CLASP1: variants seen among roughly 807,000 people sequenced by gnomAD.
CLASP1 encodes CLIP-associating protein 1.
Under a neutral mutation model 192.3 loss-of-function variants are expected in CLASP1, and 38 were observed. The observed-to-expected ratio is 0.20, with a 90% confidence interval of 0.15 to 0.26. CLASP1 has a LOEUF of 0.26. Among genes scored for constraint, CLASP1 ranks in the 10% least tolerant of loss-of-function variants. The pLI, the probability that CLASP1 is intolerant of heterozygous loss-of-function variation, is 1.00. For missense variants in CLASP1, 1,433 were observed against 1,932.5 expected (o/e 0.74, Z 4.85); for synonymous variants, 691 against 712.8 (o/e 0.97, Z 0.49).
rs377125037 is a variant in CLASP1, at chr2:121,560,170, TA to T, written c.196-29846del. Among the ~76,000 whole-genome samples the T allele has an allele frequency of 4.9e-3, 749 of 152,260 alleles. 9 individuals are homozygous for T. The highest frequency in any genetic ancestry group is 0.017 in the African/African-American group (726 of 41,544). On this transcript the variant is annotated intron_variant, in intron 2 of 39. Transcript: ENST00000263710. ...AAAATTTAATGATAATGAAAAAACTTAACATACTATACTTGAATACTACAGA... is the reference window on the plus strand; with the variant it reads ...AAAATTTAATGATAATGAAAAAACTTACATACTATACTTGAATACTACAGA...
intron 2 of CLASP1, among the ~76,000 whole-genome samples, chr2:121,581,315 C>T (rs989515984): frequency 1.5e-5 from 2 of 129,078 alleles, no homozygotes; most frequent in Non-Finnish European, 3.1e-5. Flanking sequence ...TCGCCCAGGC[C>T]GGACTGCGGA....
chr2:121,419,320 T>C (rs2149561392), intron 22 of CLASP1, among the ~76,000 whole-genome samples: 1 of 152,304 alleles, frequency 6.6e-6, no homozygotes, highest in Non-Finnish European at 1.5e-5. Context: ...AGTAAGTGTG[T>C]AGATGCTTCA....
chr2:121,550,005 C>CA (rs59439843), intron 2 of CLASP1, among the ~76,000 whole-genome samples: 1,923 of 53,930 alleles, frequency 0.036, 38 homozygotes, highest in Middle Eastern at 0.057. Context: ...GACTCCGTCT[C>CA]AAAAAAAAAA....
chr2:121,388,025 A>G (rs2073639755), intron 30 of CLASP1, 119 bp from the exon 32 acceptor site: 1 of 713,116 alleles, frequency 1.4e-6, no homozygotes, highest in Non-Finnish European at 2.2e-6. Flanking sequence ...CATTCTAGGC[A>G]TCAAAAACAA....
intron 11 of CLASP1, among the ~76,000 whole-genome samples, 186 bp from the exon 12 acceptor site, chr2:121,460,311 A>C (rs1035132959): frequency 2.6e-5 from 4 of 152,216 alleles, no homozygotes; most frequent in African/African-American, 7.2e-5. Context: ...ATCACAAATA[A>C]GACTAAATAA....
At chr2:121,632,751 C>A (rs1489832273) in intron 1 of CLASP1, among the ~76,000 whole-genome samples, 1 of 151,910 alleles carries the variant, frequency 6.6e-6, no homozygotes, top group Non-Finnish European at 1.5e-5. Context: ...ACAAAATTAG[C>A]CAGGCATGGT....
rs79837637 is a variant in CLASP1, at chr2:121,580,302, T to A, written c.195+25399A>T. Among the ~76,000 whole-genome samples the A allele has an allele frequency of 1.3e-3, 197 of 152,316 alleles. 3 individuals carry two copies. The East Asian group carries it at 0.03, about 23-fold the overall frequency. On this transcript the variant is annotated intron_variant, in intron 2 of 39. Coordinates refer to ENST00000263710, the Ensembl canonical transcript of CLASP1. ...TTCATGTAGCAGACAACATAAATAA[T>A]GTATCATCTTTAATCATATCCTGAC... is the stretch of plus-strand genomic sequence containing the variant.
At chr2:121,537,171 C>G (rs1027020744) in intron 2 of CLASP1, among the ~76,000 whole-genome samples, 3 of 152,102 alleles carry the variant, frequency 2.0e-5, no homozygotes, top group Non-Finnish European at 2.9e-5. Context: ...GCAGGCAGAT[C>G]GCTTGAGCCC....
intron 8 of CLASP1, among the ~76,000 whole-genome samples, chr2:121,499,643 T>C (rs1211907042): frequency 6.6e-6 from 1 of 152,102 alleles, no homozygotes; most frequent in African/African-American, 2.4e-5. Flanking sequence ...TTTTAAAATA[T>C]ACTGATAACT....
intron 34 of CLASP1, among the ~76,000 whole-genome samples, chr2:121,374,848 CTTG>C (rs1237209896): frequency 1.3e-5 from 2 of 152,210 alleles, no homozygotes; most frequent in Non-Finnish European, 2.9e-5. Context: ...AAGTCACTAA[CTTG>C]TTTTTTATTT....
intron 19 of CLASP1, among the ~76,000 whole-genome samples, chr2:121,432,244 G>A (rs1201268427): frequency 6.6e-6 from 1 of 152,106 alleles, no homozygotes; most frequent in Non-Finnish European, 1.5e-5. Flanking sequence ...AGCCTCCCCA[G>A]TAGCTGGGAT....
In CLASP1 at chr2:121,599,237, A is replaced by G. The variant is rs1326627019; in HGVS notation, c.195+6464T>C. ...TTAAGAAAAGGAATAACAACACGCA[A>G]GTACTATTGTTTGGGCAAGCCAAAA... On this transcript the variant is annotated intron_variant, in intron 2 of 39. Transcript: ENST00000263710. Among the ~76,000 whole-genome samples, 9 of 151,400 alleles carry G rather than the reference A, an allele frequency of 5.9e-5. No homozygotes were observed. The East Asian group carries it at 1.8e-3, about 30-fold the overall frequency.
chr2:121,462,507 A>G (rs1264029378), intron 10 of CLASP1, 25 bp downstream of exon 10: 1 of 1,343,552 alleles, frequency 7.4e-7, no homozygotes. Flanking sequence ...CTTGTTTGTA[A>G]TCATACTCAA....
intron 38 of CLASP1, among the ~76,000 whole-genome samples, 171 bp from the exon 40 acceptor site, chr2:121,347,325 A>G (rs1425177958): frequency 1.3e-5 from 2 of 152,166 alleles, no homozygotes; most frequent in African/African-American, 4.8e-5. Flanking sequence ...TTCACCCCAA[A>G]GTGGTCACAA....
chr2:121,433,957 C>T (rs1317093583), intron 19 of CLASP1, among the ~76,000 whole-genome samples: 2 of 151,914 alleles, frequency 1.3e-5, no homozygotes, highest in Non-Finnish European at 2.9e-5. Context: ...TTTTGCATCT[C>T]CACTGATAAA....
chr2:121,483,199 G>T (rs2092720342), intron 8 of CLASP1, among the ~76,000 whole-genome samples: 1 of 152,112 alleles, frequency 6.6e-6, no homozygotes, highest in Non-Finnish European at 1.5e-5. Flanking sequence ...ACAGGGCCTG[G>T]TAGAAAGTTA....
chr2:121,636,434 C>T (rs1156769997), intron 1 of CLASP1, among the ~76,000 whole-genome samples: 2 of 151,202 alleles, frequency 1.3e-5, no homozygotes, highest in South Asian at 2.1e-4. Context: ...GAGGCCGAGG[C>T]GGGTGGATCA....
chr2:121,498,016 C>A (rs1349801196), intron 8 of CLASP1, among the ~76,000 whole-genome samples: 1 of 151,996 alleles, frequency 6.6e-6, no homozygotes, highest in Admixed American at 6.6e-5. Flanking sequence ...CACACCGCCA[C>A]GCCCAGCTAA....
chr2:121,397,730 A>G (rs965754649), intron 29 of CLASP1, among the ~76,000 whole-genome samples: 4 of 152,220 alleles, frequency 2.6e-5, no homozygotes, highest in Non-Finnish European at 5.9e-5. Flanking sequence ...CAACTTCTCA[A>G]CTAGCTTTGA....
Sources: gnomAD v4.1 joint callset for allele counts (sites outside exome capture counted in the v4.1 genomes callset) on GRCh38, gnomAD v4.1.1 for gene constraint, MANE v1.5 for transcripts, NCBI Gene and HGNC (gene_info 2026-07-23, HGNC 2026-07-21) for gene names.